The following CHRM3 variants were observed in gnomAD, a reference collection of about 807,000 sequenced individuals.
CHRM3 encodes cholinergic receptor muscarinic 3, also known as muscarinic acetylcholine receptor M3.
A neutral mutation model predicts 41.8 loss-of-function variants in CHRM3; 11 were observed. The ratio of observed to expected loss-of-function variants is 0.26; its 90% CI spans 0.17 to 0.44. The LOEUF is 0.44. Among genes scored for constraint, CHRM3 ranks in the 20% least tolerant of loss-of-function variants. The pLI, the probability that CHRM3 is intolerant of heterozygous loss-of-function variation, is 1.00. For missense variants in CHRM3, 571 were observed against 745.4 expected (o/e 0.77, Z 2.72); for synonymous variants, 297 against 301.4 (o/e 0.99, Z 0.15).
intron 3 of CHRM3, among the ~76,000 whole-genome samples, chr1:239,551,975 A>G (rs1659875488): frequency 6.6e-6 from 1 of 152,152 alleles, no homozygotes; most frequent in Admixed American, 6.5e-5. Context: ...CATATATACC[A>G]TATCAAGAGT....
intron 4 of CHRM3, among the ~76,000 whole-genome samples, chr1:239,672,599 T>TACAC (rs35094370): frequency 0.52 from 75,996 of 145,682 alleles, 20,395 homozygotes; most frequent in East Asian, 0.76. Flanking sequence ...TTCTTCCCAC[T>TACAC]ACACACACAC....
chr1:239,677,387 G>T (rs1000910655), intron 4 of CHRM3, among the ~76,000 whole-genome samples: 4 of 152,176 alleles, frequency 2.6e-5, no homozygotes, highest in African/African-American at 9.6e-5. Flanking sequence ...TAAATTATTT[G>T]CCATAAAACA....
At chr1:239,647,861 C>T (rs774850086) in intron 4 of CHRM3, among the ~76,000 whole-genome samples, 6 of 152,104 alleles carry the variant, frequency 3.9e-5, no homozygotes, top group Non-Finnish European at 5.9e-5. Context: ...TCCTAGCTGG[C>T]TCAAAATTGC....
chr1:239,744,821 C>T (rs1332650148), intron 5 of CHRM3, among the ~76,000 whole-genome samples: 1 of 152,098 alleles, frequency 6.6e-6, no homozygotes, highest in Non-Finnish European at 1.5e-5. Context: ...AAAGCTGCAG[C>T]AGCTCAGAGA....
At chr1:239,404,719 A>AATAT (rs67746016) in intron 1 of CHRM3, among the ~76,000 whole-genome samples, 7,744 of 96,784 alleles carry the variant, frequency 0.08, 435 homozygotes, top group South Asian at 0.11. Context: ...GCTATATCTA[A>AATAT]ATATATATAT....
intron 6 of CHRM3, among the ~76,000 whole-genome samples, chr1:239,886,910 CT>C (rs1678121993): frequency 6.6e-6 from 1 of 152,134 alleles, no homozygotes; most frequent in African/African-American, 2.4e-5. Flanking sequence ...TCAAAGCGAC[CT>C]TTTCTTTGTT....
At chr1:239,645,046 G>A (rs184015662) in intron 4 of CHRM3, among the ~76,000 whole-genome samples, 19 of 152,300 alleles carry the variant, frequency 1.2e-4, no homozygotes, top group South Asian at 1.0e-3. Flanking sequence ...CCCCTTGTCT[G>A]TGATGGGCAG....
At chr1:239,817,384 T>A (rs189966159) in intron 5 of CHRM3, among the ~76,000 whole-genome samples, 1 of 152,284 alleles carries the variant, frequency 6.6e-6, no homozygotes, top group African/African-American at 2.4e-5. Context: ...TTTTCCTTTC[T>A]CAACTGGTAT....
intron 3 of CHRM3, among the ~76,000 whole-genome samples, chr1:239,575,983 A>G (rs1337998191): frequency 1.3e-5 from 2 of 152,090 alleles, no homozygotes; most frequent in Admixed American, 6.6e-5. Flanking sequence ...ACCCCTGGTG[A>G]CTGACCACTA....
chr1:239,800,633 C>T (rs569150830), intron 5 of CHRM3, among the ~76,000 whole-genome samples: 68 of 152,294 alleles, frequency 4.5e-4, no homozygotes, highest in African/African-American at 1.6e-3. Flanking sequence ...GAGATGCCAG[C>T]ATGCTGGCCC....
chr1:239,633,107 G>C (rs1367708046), intron 4 of CHRM3, among the ~76,000 whole-genome samples: 1 of 152,146 alleles, frequency 6.6e-6, no homozygotes, highest in Non-Finnish European at 1.5e-5. Context: ...CGAGTAGCTG[G>C]GACTACAAGC....
intron 4 of CHRM3, among the ~76,000 whole-genome samples, chr1:239,641,337 A>G (rs1192266812): frequency 1.9e-3 from 288 of 151,098 alleles, no homozygotes; most frequent in African/African-American, 6.5e-3. Flanking sequence ...TTTCTGTCTC[A>G]TTGATCTGTC....
intron 2 of CHRM3, among the ~76,000 whole-genome samples, chr1:239,503,293 A>G (rs1668361074): frequency 6.6e-6 from 1 of 152,126 alleles, no homozygotes; most frequent in Non-Finnish European, 1.5e-5. Context: ...CAAATCAAGA[A>G]CTCAACCCCT....
At chr1:239,759,066 T>C (rs1290193179) in intron 5 of CHRM3, among the ~76,000 whole-genome samples, 1 of 152,052 alleles carries the variant, frequency 6.6e-6, no homozygotes, top group East Asian at 1.9e-4. Context: ...AGTCAAGCAT[T>C]CAGGTTTATT....
chr1:239,681,696 C>G (rs888185077), intron 5 of CHRM3, among the ~76,000 whole-genome samples: 1 of 152,016 alleles, frequency 6.6e-6, no homozygotes, highest in African/African-American at 2.4e-5. Context: ...GAGTCGAGAC[C>G]GGCCTGAGCT....
At chr1:239,449,722 T>G (rs186005775) in intron 1 of CHRM3, among the ~76,000 whole-genome samples, 1 of 151,008 alleles carries the variant, frequency 6.6e-6, no homozygotes, top group East Asian at 1.9e-4. Context: ...TAGGATGAAT[T>G]GTCACATTCT....
At chr1:239,789,707 T>C (rs555096566) in intron 5 of CHRM3, among the ~76,000 whole-genome samples, 10 of 152,126 alleles carry the variant, frequency 6.6e-5, no homozygotes, top group Non-Finnish European at 1.5e-4. Flanking sequence ...AGGGCAATAA[T>C]GTATTCATGA....
At chr1:239,477,663 C>T (rs559732808) in intron 1 of CHRM3, among the ~76,000 whole-genome samples, 1 of 152,262 alleles carries the variant, frequency 6.6e-6, no homozygotes, top group South Asian at 2.1e-4. Flanking sequence ...TGACTTTTTC[C>T]AGTGGGCCTT....
intron 3 of CHRM3, among the ~76,000 whole-genome samples, chr1:239,571,589 C>A (rs767263748): frequency 2.0e-4 from 31 of 152,150 alleles, no homozygotes; most frequent in Non-Finnish European, 4.3e-4. Flanking sequence ...CCAGCTGTCC[C>A]TTTTTCTGGG....
Sources: gnomAD v4.1 joint callset for allele counts (sites outside exome capture counted in the v4.1 genomes callset) on GRCh38, gnomAD v4.1.1 for gene constraint, MANE v1.5 for transcripts, NCBI Gene and HGNC (gene_info 2026-07-23, HGNC 2026-07-21) for gene names.